RBFOX1: variants seen among roughly 807,000 people sequenced by gnomAD.
RBFOX1 encodes the protein RNA binding protein fox-1 homolog 1.
In RBFOX1, 8 loss-of-function variants were observed where a neutral mutation model predicts 57.7. The ratio of observed to expected loss-of-function variants is 0.14; its 90% CI spans 0.08 to 0.25. RBFOX1 has a LOEUF of 0.25. Among genes scored for constraint, RBFOX1 ranks in the 10% least tolerant of loss-of-function variants. The probability of loss-of-function intolerance (pLI) is 1.00; values close to 1 mark genes in which losing one functional copy is unlikely to be tolerated. For missense variants in RBFOX1, 611 were observed against 548.5 expected, an observed-to-expected ratio of 1.11 and a Z score of -1.14; for synonymous variants, 326 against 222.4, an observed-to-expected ratio of 1.47 and a Z score of -4.15.
chr16:7,406,396 T>G (rs1297121245), intron 4 of RBFOX1, among the ~76,000 whole-genome samples: 2 of 152,184 alleles, frequency 1.3e-5, no homozygotes, highest in African/African-American at 4.8e-5. Flanking sequence ...TCAGAATACC[T>G]GGCTACTACG....
intron 4 of RBFOX1, among the ~76,000 whole-genome samples, chr16:7,095,761 G>A (rs1009740759): frequency 1.6e-4 from 25 of 152,120 alleles, no homozygotes; most frequent in Non-Finnish European, 3.2e-4. Context: ...GGTGGCTCAC[G>A]CCTGTAATCC....
At chr16:5,799,799 C>T (rs2055001183) in intron 3 of RBFOX1, among the ~76,000 whole-genome samples, 1 of 152,064 alleles carries the variant, frequency 6.6e-6, no homozygotes, top group Non-Finnish European at 1.5e-5. Flanking sequence ...TTCTGAATAG[C>T]TCTTTGTACA....
intron 4 of RBFOX1, among the ~76,000 whole-genome samples, chr16:7,473,935 A>C (rs1019543069): frequency 1.3e-5 from 2 of 152,130 alleles, no homozygotes; most frequent in Non-Finnish European, 2.9e-5. Context: ...TTTGAACTCT[A>C]CCTATTAACT....
intron 3 of RBFOX1, among the ~76,000 whole-genome samples, chr16:6,821,637 A>T (rs1281946798): frequency 6.6e-6 from 1 of 152,214 alleles, no homozygotes; most frequent in Non-Finnish European, 1.5e-5. Context: ...TAAATCGTAC[A>T]ACACGTGGCC....
intron 4 of RBFOX1, among the ~76,000 whole-genome samples, chr16:7,204,746 C>T (rs1053904186): frequency 6.6e-6 from 1 of 152,198 alleles, no homozygotes; most frequent in African/African-American, 2.4e-5. Flanking sequence ...CCTTCATCTC[C>T]TTTTCTCCCC....
chr16:7,260,707 A>G (rs1249240129), intron 4 of RBFOX1, among the ~76,000 whole-genome samples: 1 of 152,112 alleles, frequency 6.6e-6, no homozygotes, highest in East Asian at 1.9e-4. Flanking sequence ...AATATTTTCC[A>G]CTCAATCCTG....
intron 14 of RBFOX1, among the ~76,000 whole-genome samples, chr16:7,706,329 G>T (rs968418145): frequency 9.9e-5 from 15 of 152,182 alleles, no homozygotes; most frequent in African/African-American, 3.1e-4. Context: ...AGAAAAGGAG[G>T]CAGCTCATTT....
chr16:6,165,134 C>G (rs1446711791), intron 1 of RBFOX1, among the ~76,000 whole-genome samples: 1 of 152,068 alleles, frequency 6.6e-6, no homozygotes, highest in African/African-American at 2.4e-5. Flanking sequence ...GTCCAAGCCT[C>G]AGCTTTGGCA....
At chr16:5,394,602 C>T (rs2066499854) in intron 1 of RBFOX1, among the ~76,000 whole-genome samples, 1 of 146,584 alleles carries the variant, frequency 6.8e-6, no homozygotes, top group Non-Finnish European at 1.5e-5. Context: ...TGCTCTGTTG[C>T]CCAGGCTGGA....
intron 4 of RBFOX1, among the ~76,000 whole-genome samples, chr16:7,127,121 T>C (rs1022789440): frequency 6.6e-6 from 1 of 152,018 alleles, no homozygotes; most frequent in African/African-American, 2.4e-5. Context: ...CATGTGGTCA[T>C]AAATGGTGGC....
chr16:6,108,706 G>A (rs1026043793), intron 1 of RBFOX1, among the ~76,000 whole-genome samples: 5 of 152,122 alleles, frequency 3.3e-5, no homozygotes, highest in Non-Finnish European at 7.3e-5. Flanking sequence ...TCCTTCTCAA[G>A]GTCCTGGGGG....
At chr16:6,595,224 C>T (rs113379243) in intron 2 of RBFOX1, among the ~76,000 whole-genome samples, 1,926 of 152,238 alleles carry the variant, frequency 0.013, 44 homozygotes, top group African/African-American at 0.041. Context: ...ACCCTTACCC[C>T]ACCCTGTAGC....
chr16:6,860,702 C>T (rs936784275), intron 3 of RBFOX1, among the ~76,000 whole-genome samples: 1 of 151,994 alleles, frequency 6.6e-6, no homozygotes, highest in African/African-American at 2.4e-5. Flanking sequence ...TCTGGTGTGT[C>T]ATGTTAAAAT....
intron 3 of RBFOX1, among the ~76,000 whole-genome samples, chr16:5,768,178 A>G (rs1313309497): frequency 6.6e-6 from 1 of 152,214 alleles, no homozygotes; most frequent in Non-Finnish European, 1.5e-5. Context: ...TGAGATATAT[A>G]GGATTTACCT....
chr16:7,234,247 G>C (rs1391677248), intron 4 of RBFOX1, among the ~76,000 whole-genome samples: 1 of 152,052 alleles, frequency 6.6e-6, no homozygotes, highest in Middle Eastern at 3.2e-3. Context: ...ACTCAGGCCA[G>C]GTAATGAATA....
chr16:6,584,349 T>TC (rs2097576844), intron 2 of RBFOX1, among the ~76,000 whole-genome samples: 1 of 128,588 alleles, frequency 7.8e-6, no homozygotes, highest in Non-Finnish European at 1.6e-5. Context: ...TCATTATTAT[T>TC]ATTATTATTA....
At chr16:5,301,344 G>T (rs1202661776) in intron 1 of RBFOX1, among the ~76,000 whole-genome samples, 1 of 152,116 alleles carries the variant, frequency 6.6e-6, no homozygotes, top group Non-Finnish European at 1.5e-5. Context: ...TTAGGGCTAG[G>T]TGCGGTGGCT....
chr16:7,224,758 T>G (rs2092984505), intron 4 of RBFOX1, among the ~76,000 whole-genome samples: 1 of 152,170 alleles, frequency 6.6e-6, no homozygotes, highest in Non-Finnish European at 1.5e-5. Flanking sequence ...TGAATGTGAG[T>G]GTCCAAAGTC....
chr16:5,415,887 G>A (rs116533853), intron 1 of RBFOX1, among the ~76,000 whole-genome samples: 2 of 152,178 alleles, frequency 1.3e-5, no homozygotes, highest in African/African-American at 4.8e-5. Flanking sequence ...CCAGGGCAAA[G>A]GGAAGCATAG....
Sources: gnomAD v4.1 joint callset for allele counts (sites outside exome capture counted in the v4.1 genomes callset) on GRCh38, gnomAD v4.1.1 for gene constraint, MANE v1.5 for transcripts, NCBI Gene and HGNC (gene_info 2026-07-23, HGNC 2026-07-21) for gene names.